The following KIAA1328 variants were observed in gnomAD, a reference collection of about 807,000 sequenced individuals.
KIAA1328 encodes KIAA1328, also known as protein hinderin.
A neutral mutation model predicts 68.1 loss-of-function variants in KIAA1328; 52 were observed. The observed-to-expected ratio is 0.76, with a 90% confidence interval of 0.61 to 0.96. KIAA1328 has a LOEUF of 0.96. Among genes scored for constraint, KIAA1328 ranks in the 40% least tolerant of loss-of-function variants. The pLI is 0.00. For synonymous variants in KIAA1328, 232 were observed against 239.4 expected (o/e 0.97, Z 0.28); for missense variants, 641 against 677.6 (o/e 0.95, Z 0.60).
intron 6 of KIAA1328, among the ~76,000 whole-genome samples, chr18:36,969,737 C>T (rs578240061): frequency 2.2e-4 from 34 of 152,214 alleles, no homozygotes; most frequent in Admixed American, 9.2e-4. Context: ...CCTACTGAAA[C>T]GATTCTAACA....
chr18:37,055,708 G>A (rs1215260683), intron 6 of KIAA1328, among the ~76,000 whole-genome samples: 1 of 152,160 alleles, frequency 6.6e-6, no homozygotes, highest in Non-Finnish European at 1.5e-5. Context: ...CAGTAGTTTA[G>A]GTTTAGAAAT....
At chr18:37,174,511 T>C (rs2059561006) in intron 9 of KIAA1328, among the ~76,000 whole-genome samples, 1 of 151,142 alleles carries the variant, frequency 6.6e-6, no homozygotes, top group Non-Finnish European at 1.5e-5. Flanking sequence ...GCCTCCCAAG[T>C]AGCTGGGACT....
chr18:37,181,645 G>A (rs1236544698), intron 9 of KIAA1328, among the ~76,000 whole-genome samples: 1 of 152,158 alleles, frequency 6.6e-6, no homozygotes, highest in Non-Finnish European at 1.5e-5. Context: ...TCAGCTTGAA[G>A]AAGCTTGTCA....
chr18:37,027,471 T>C (rs2054632611), intron 6 of KIAA1328, among the ~76,000 whole-genome samples: 1 of 152,154 alleles, frequency 6.6e-6, no homozygotes, highest in Admixed American at 6.6e-5. Flanking sequence ...CAAACTATGC[T>C]ACAAGGCTAC....
chr18:37,208,580 G>A (rs2060258808), intron 9 of KIAA1328, among the ~76,000 whole-genome samples: 1 of 152,154 alleles, frequency 6.6e-6, no homozygotes, highest in Non-Finnish European at 1.5e-5. Context: ...CAGAGCAGAC[G>A]ACAGGATCCT....
At chr18:37,085,692 A>G (rs2057081874) in intron 7 of KIAA1328, among the ~76,000 whole-genome samples, 1 of 152,166 alleles carries the variant, frequency 6.6e-6, no homozygotes, top group African/African-American at 2.4e-5. Context: ...GTCATTAAGT[A>G]TTGACTTTCT....
intron 7 of KIAA1328, among the ~76,000 whole-genome samples, chr18:37,096,834 G>GC (rs1568399273): frequency 6.6e-6 from 1 of 152,134 alleles, no homozygotes; most frequent in Non-Finnish European, 1.5e-5. Context: ...GTGATGATGA[G>GC]CATTTTTTCA....
At chr18:36,941,134 C>T (rs1175854797) in intron 5 of KIAA1328, among the ~76,000 whole-genome samples, 3 of 152,176 alleles carry the variant, frequency 2.0e-5, no homozygotes, top group East Asian at 1.9e-4. Flanking sequence ...GGACACAAAC[C>T]GTTTGGTATG....
intron 9 of KIAA1328, among the ~76,000 whole-genome samples, chr18:37,190,156 G>C (rs2059878102): frequency 6.6e-6 from 1 of 152,162 alleles, no homozygotes; most frequent in African/African-American, 2.4e-5. Context: ...AGCTGGATCT[G>C]TCTGGGTCTT....
intron 6 of KIAA1328, among the ~76,000 whole-genome samples, chr18:37,015,752 G>T (rs1417737641): frequency 6.6e-6 from 1 of 152,014 alleles, no homozygotes; most frequent in Non-Finnish European, 1.5e-5. Context: ...CTTTTTGTGT[G>T]TATGAGGCTA....
At chr18:37,189,294 C>T (rs2059860409) in intron 9 of KIAA1328, among the ~76,000 whole-genome samples, 1 of 151,770 alleles carries the variant, frequency 6.6e-6, no homozygotes, top group African/African-American at 2.4e-5. Flanking sequence ...GTAGGGAAAG[C>T]TATCAGTATA....
chr18:36,850,778 A>G (rs1301571870), intron 4 of KIAA1328, among the ~76,000 whole-genome samples: 1 of 152,284 alleles, frequency 6.6e-6, no homozygotes, highest in East Asian at 1.9e-4. Flanking sequence ...CCCAGGCAGG[A>G]CTGAGTTGAA....
chr18:37,054,379 C>G (rs747977870), intron 6 of KIAA1328, among the ~76,000 whole-genome samples: 1 of 152,104 alleles, frequency 6.6e-6, no homozygotes. Flanking sequence ...TATTGCAGCA[C>G]TATTCACAAT....
In KIAA1328 at chr18:37,224,001, T is replaced by C; in HGVS notation, c.*1774T>C. ...ACCTCTGAGAGTAACCAAATCGGTT[T>C]CATCCCATATCAAAAAGCCTTTGGA... On this transcript the variant is annotated 3_prime_UTR_variant, in exon 10 of 10. Transcript: ENST00000280020. The C allele has an allele frequency of 2.0e-6, 2 of 985,466 alleles. No homozygotes were observed. The highest frequency in any genetic ancestry group is 2.4e-6 in the Non-Finnish European group (2 of 829,934). The allele number at this position is 985,466 out of a possible 1,614,324, so 61.0% of individuals were successfully genotyped here.
At chr18:37,093,953 A>G (rs1022398141) in intron 7 of KIAA1328, among the ~76,000 whole-genome samples, 2 of 152,244 alleles carry the variant, frequency 1.3e-5, no homozygotes, top group African/African-American at 2.4e-5. Context: ...TGTCAAGGGA[A>G]ACAGAGCAGC....
At chr18:36,912,385 T>A (rs2049487866) in intron 5 of KIAA1328, among the ~76,000 whole-genome samples, 1 of 152,178 alleles carries the variant, frequency 6.6e-6, no homozygotes. Context: ...CTTCAACATC[T>A]AACATCATCA....
Position 36,989,799 on chromosome 18 carries a change from G to A in KIAA1328, c.576+30364G>A, listed in dbSNP as rs189356077. On this transcript the variant is annotated intron_variant, in intron 6 of 9. Transcript: ENST00000280020. ...AAGCTCCGCCCCCCGGGTTCATGCCGTTCTCCTGCCTCAGCGTCCCAAGTA... is the reference window on the plus strand; with the variant it reads ...AAGCTCCGCCCCCCGGGTTCATGCCATTCTCCTGCCTCAGCGTCCCAAGTA... Among the ~76,000 whole-genome samples, 331 of 152,038 alleles carry A rather than the reference G, an allele frequency of 2.2e-3. 1 individual carries two copies. The highest frequency in any genetic ancestry group is 7.6e-3 in the African/African-American group (315 of 41,464).
chr18:37,149,380 C>G (rs1451759839), intron 7 of KIAA1328, among the ~76,000 whole-genome samples: 2 of 152,066 alleles, frequency 1.3e-5, no homozygotes, highest in Non-Finnish European at 2.9e-5. Context: ...TGAAACTTGA[C>G]CCCTTCCATA....
intron 6 of KIAA1328, among the ~76,000 whole-genome samples, chr18:36,970,841 G>T (rs2052170864): frequency 6.6e-6 from 1 of 152,142 alleles, no homozygotes; most frequent in Non-Finnish European, 1.5e-5. Context: ...CTCATGGATG[G>T]GAAGAATCAA....
Sources: allele counts gnomAD v4.1 joint callset (sites outside exome capture counted in the v4.1 genomes callset), GRCh38; gene constraint gnomAD v4.1.1; transcripts MANE v1.5; gene names NCBI Gene and HGNC (gene_info 2026-07-23, HGNC 2026-07-21).